ZPBP: variants seen among roughly 807,000 people sequenced by gnomAD.
The protein encoded by ZPBP is zona pellucida-binding protein 1.
ZPBP carries 26 observed loss-of-function variants against 44.8 expected under a neutral mutation model. The ratio of observed to expected loss-of-function variants is 0.58; its 90% CI spans 0.43 to 0.81. ZPBP has a LOEUF of 0.81. Among genes scored for constraint, ZPBP ranks in the 30% least tolerant of loss-of-function variants. ZPBP has a pLI of 0.00. For missense variants in ZPBP, 409 were observed against 434.0 expected (o/e 0.94, Z 0.51); for synonymous variants, 174 against 153.2 (o/e 1.14, Z -1.00).
intron 2 of ZPBP, among the ~76,000 whole-genome samples, chr7:49,889,079 A>G (rs184127206): frequency 2.0e-5 from 3 of 152,342 alleles, no homozygotes; most frequent in Admixed American, 6.5e-5. Context: ...GTTGCAAGTG[A>G]GACCAGATAT....
At chr7:50,035,161 T>C (rs1333703649) in intron 4 of ZPBP, among the ~76,000 whole-genome samples, 2 of 152,244 alleles carry the variant, frequency 1.3e-5, no homozygotes, top group Admixed American at 6.5e-5. Flanking sequence ...TGTCACTAAA[T>C]TGGATTTGTG....
At chr7:49,841,927 C>T in the ZPBP span, among the ~76,000 whole-genome samples, 5,099 of 151,902 alleles carry the variant, frequency 0.034, 112 homozygotes, top group Middle Eastern at 0.061. Context: ...AGTGCAATGG[C>T]GTGATCTCAG....
chr7:50,084,784 C>T (rs1802551648), intron 2 of ZPBP, among the ~76,000 whole-genome samples: 1 of 151,926 alleles, frequency 6.6e-6, no homozygotes, highest in Non-Finnish European at 1.5e-5. Context: ...TATAATTCAG[C>T]TTTAAAAGTT....
At chr7:50,064,361 T>C (rs1801398187) in intron 3 of ZPBP, among the ~76,000 whole-genome samples, 1 of 152,080 alleles carries the variant, frequency 6.6e-6, no homozygotes, top group African/African-American at 2.4e-5. Context: ...GCTAATGAAG[T>C]TTCAGGCACC....
At chr7:49,924,135 TA>T (rs1418719221) in intron 1 of ZPBP, among the ~76,000 whole-genome samples, 4 of 143,984 alleles carry the variant, frequency 2.8e-5, no homozygotes, top group East Asian at 2.0e-4. Flanking sequence ...ATAATAATAA[TA>T]AATAATAATA....
At chr7:49,857,908 G>A (rs1162440117) in intron 2 of ZPBP, among the ~76,000 whole-genome samples, 1 of 152,192 alleles carries the variant, frequency 6.6e-6, no homozygotes, top group Non-Finnish European at 1.5e-5. Flanking sequence ...TAAGTTTGGT[G>A]TTTCCACAGG....
At chr7:49,859,203 T>C (rs978467628) in intron 2 of ZPBP, among the ~76,000 whole-genome samples, 25 of 152,222 alleles carry the variant, frequency 1.6e-4, no homozygotes, top group African/African-American at 5.5e-4. Context: ...AAAGTCTTCT[T>C]TAAGGGTTTT....
At chr7:50,001,441 T>C (rs1210349987) in intron 6 of ZPBP, among the ~76,000 whole-genome samples, 1 of 152,206 alleles carries the variant, frequency 6.6e-6, no homozygotes, top group African/African-American at 2.4e-5. Context: ...AGTTTTTCAT[T>C]TGTGATACAT....
chr7:50,049,643 G>A (rs1295576427), intron 4 of ZPBP, among the ~76,000 whole-genome samples: 3 of 151,768 alleles, frequency 2.0e-5, no homozygotes, highest in Non-Finnish European at 2.9e-5. Flanking sequence ...AAATATAAAC[G>A]TAGAATAAGG....
At chr7:50,036,279 G>A (rs1194239115) in intron 4 of ZPBP, among the ~76,000 whole-genome samples, 4 of 152,020 alleles carry the variant, frequency 2.6e-5, no homozygotes, top group East Asian at 1.9e-4. Context: ...TAAGCCTCCC[G>A]AGTAGCTGGG....
chr7:50,002,454 T>C (rs561111569), intron 6 of ZPBP, among the ~76,000 whole-genome samples: 31 of 152,118 alleles, frequency 2.0e-4, no homozygotes, highest in Non-Finnish European at 4.1e-4. Flanking sequence ...ACTCCTGGGC[T>C]CTAGCGACTC....
chr7:49,971,940 G>GA (rs1230882817), intron 7 of ZPBP, among the ~76,000 whole-genome samples: 1 of 151,352 alleles, frequency 6.6e-6, no homozygotes, highest in East Asian at 1.9e-4. Context: ...GGTTTAACAT[G>GA]AAAAAAAATC....
At chr7:50,026,443 G>A (rs1168229294) in intron 5 of ZPBP, among the ~76,000 whole-genome samples, 2 of 151,540 alleles carry the variant, frequency 1.3e-5, no homozygotes, top group African/African-American at 4.8e-5. Flanking sequence ...ATATACACAG[G>A]ACCCTCCACC....
At chr7:50,079,384 A>G (rs1911753) in intron 3 of ZPBP, among the ~76,000 whole-genome samples, 7,132 of 151,740 alleles carry the variant, frequency 0.047, 189 homozygotes, top group African/African-American at 0.067. Context: ...TATCTGACAC[A>G]TAGTAATCTT....
At chr7:50,055,625 A>G (rs1800903558) in intron 4 of ZPBP, among the ~76,000 whole-genome samples, 2 of 152,200 alleles carry the variant, frequency 1.3e-5, no homozygotes, top group African/African-American at 4.8e-5. Context: ...CCTACATCAC[A>G]GTTTGTTTTG....
intron 4 of ZPBP, among the ~76,000 whole-genome samples, chr7:50,042,167 G>C (rs1182467857): frequency 6.6e-6 from 1 of 152,152 alleles, no homozygotes; most frequent in African/African-American, 2.4e-5. Context: ...AGAAATATGG[G>C]ACTATGTGAA....
At chr7:49,850,889 T>G (rs1790150268) in intron 2 of ZPBP, among the ~76,000 whole-genome samples, 1 of 152,236 alleles carries the variant, frequency 6.6e-6, no homozygotes, top group South Asian at 2.1e-4. Context: ...GATGACTCCC[T>G]GTGGAGAAGG....
At chr7:49,923,487 T>C (rs1378436039) in intron 1 of ZPBP, among the ~76,000 whole-genome samples, 2 of 152,234 alleles carry the variant, frequency 1.3e-5, no homozygotes, top group Admixed American at 6.5e-5. Flanking sequence ...AGTATACAGC[T>C]GTGACTTATT....
Position 49,938,256 on chromosome 7 carries a change from T to C in ZPBP, c.962-634A>G, listed in dbSNP as rs139269105. On this transcript the variant is annotated intron_variant, in intron 7 of 7. Coordinates refer to ENST00000046087, the MANE Select transcript of ZPBP (RefSeq NM_007009.3). ...GAGACTGCATTTTTTTCTAATAATC[T>C]CCTGATTTCAAGTCCTATTTCTACC... Among the ~76,000 whole-genome samples, 233 of 152,254 alleles carry C rather than the reference T, an allele frequency of 1.5e-3. 3 individuals are homozygous for C. The highest frequency in any genetic ancestry group is 5.4e-3 in the African/African-American group (223 of 41,548).
Sources: allele counts gnomAD v4.1 joint callset (sites outside exome capture counted in the v4.1 genomes callset), GRCh38; gene constraint gnomAD v4.1.1; transcripts MANE v1.5; gene names NCBI Gene and HGNC (gene_info 2026-07-23, HGNC 2026-07-21).